SMAD6: variants seen among roughly 807,000 people sequenced by gnomAD.
The protein encoded by SMAD6 is MAD homolog 6.
SMAD6 carries 103 observed loss-of-function variants against 39.4 expected under a neutral mutation model. The observed-to-expected ratio is 2.62, with a 90% CI of 2.23 to 3.08. The LOEUF (loss-of-function observed/expected upper bound fraction) is 3.08. Ranked by LOEUF, SMAD6 falls within the 30% of genes most tolerant of loss-of-function variation. The pLI is 0.00. For missense variants in SMAD6, 1,104 were observed against 742.9 expected (o/e 1.49, Z -5.65); for synonymous variants, 445 against 353.3 (o/e 1.26, Z -2.91).
chr15:66,753,916 C>T lies in SMAD6; in HGVS notation c.953-27081C>T, dbSNP rs551478925. ...CCTGGCATTGCCTGCCCTCGGAGGC[C>T]CCAAGGGGCAGTGTGCAGGGTGCCT... On this transcript the variant is annotated intron_variant, in intron 3 of 3. Coordinates refer to ENST00000288840, the MANE Select transcript of SMAD6 (RefSeq NM_005585.5). Among the ~76,000 whole-genome samples, 13 of 152,262 alleles carry T rather than the reference C, an allele frequency of 8.5e-5. No individual in the cohort carries two copies. The South Asian group carries it at 2.7e-3, about 32-fold the overall frequency.
At chr15:66,775,096 A>G (rs916090272) in intron 3 of SMAD6, among the ~76,000 whole-genome samples, 1 of 152,070 alleles carries the variant, frequency 6.6e-6, no homozygotes, top group Non-Finnish European at 1.5e-5. Flanking sequence ...TCCTGACCTC[A>G]GGTGATCCAC....
rs899232255 is a variant in SMAD6 at position 66,704,227 on chromosome 15, C to T, written c.817+152C>T. 6.1e-6 allele frequency: 3 copies of T among 493,334 alleles called. No individual in the cohort carries two copies. The South Asian group carries it at 1.5e-4, about 25-fold the overall frequency. The allele number at this position is 493,334 out of a possible 1,614,324, so 30.6% of individuals were successfully genotyped here. A position where few individuals can be genotyped will look rare whatever the true frequency, so the allele number is the denominator to read the frequency against. On this transcript the variant is annotated intron_variant, in intron 1 of 3. Coordinates refer to ENST00000288840, the MANE Select transcript of SMAD6 (RefSeq NM_005585.5). Reference sequence around the variant, plus strand: ...GAGCCACCAGGGGAGGCGCCTCAGACCGGCCGAGGGGAGTGGGTGTCCCAG... The same window carrying T: ...GAGCCACCAGGGGAGGCGCCTCAGATCGGCCGAGGGGAGTGGGTGTCCCAG...
rs1167140159 is a variant in SMAD6, at chr15:66,747,273, C to T, written c.952+30775C>T. 6.6e-6 allele frequency among the ~76,000 whole-genome samples: 1 copy of T among 152,232 alleles called. No individual in the cohort carries two copies. The highest frequency in any genetic ancestry group is 1.5e-5 in the Non-Finnish European group (1 of 68,030). ...AGCGGGATATGGATGGGCCATGGGC[C>T]TCTGGCTGCCAAGGCCTGGCCTTCC... On this transcript the variant is annotated intron_variant, in intron 3 of 3. Transcript: ENST00000288840. This position sits in a 1 kb window ranked among gnomAD's most constrained non-coding sequence, Gnocchi z 4.5.
chr15:66,722,591 G>A (rs1196045744), intron 3 of SMAD6, among the ~76,000 whole-genome samples: 1 of 152,240 alleles, frequency 6.6e-6, no homozygotes. Context: ...GAAATGGGTG[G>A]GGGAGAAGGA....
intron 2 of SMAD6, among the ~76,000 whole-genome samples, chr15:66,714,893 A>C (rs1264489842): frequency 6.6e-6 from 1 of 152,162 alleles, no homozygotes; most frequent in Non-Finnish European, 1.5e-5. Context: ...AAGGCAGTTC[A>C]CTAAGAAATA....
intron 3 of SMAD6, among the ~76,000 whole-genome samples, chr15:66,722,915 G>A (rs1443767601): frequency 6.6e-6 from 1 of 152,128 alleles, no homozygotes; most frequent in Admixed American, 6.5e-5. Flanking sequence ...GCTCAGCTGT[G>A]CCCTTTTCCT....
At chr15:66,780,931 C>T in intron 3 of SMAD6, 66 bp from the exon 4 acceptor site, 3 of 1,459,590 alleles carry the variant, frequency 2.1e-6, no homozygotes, top group Middle Eastern at 2.3e-4. Context: ...GTGCCCACCT[C>T]CGCTCCTCGG....
intron 1 of SMAD6, among the ~76,000 whole-genome samples, chr15:66,710,201 T>C (rs1893200790): frequency 1.3e-5 from 2 of 152,208 alleles, no homozygotes; most frequent in South Asian, 4.1e-4. Context: ...AATTTTTGTA[T>C]TTTGAGAAAG....
chr15:66,739,824 A>G (rs746071320), intron 3 of SMAD6, among the ~76,000 whole-genome samples: 3 of 152,166 alleles, frequency 2.0e-5, no homozygotes, highest in Non-Finnish European at 4.4e-5. Context: ...AGTTTTTTTA[A>G]GAGATGGGCC....
intron 3 of SMAD6, among the ~76,000 whole-genome samples, chr15:66,765,373 G>C (rs973165153): frequency 6.6e-6 from 1 of 152,086 alleles, no homozygotes; most frequent in East Asian, 1.9e-4. Context: ...ACAGGTGCCC[G>C]CCACCATGCC....
At chr15:66,732,300 A>T (rs1376127355) in intron 3 of SMAD6, among the ~76,000 whole-genome samples, 1 of 152,088 alleles carries the variant, frequency 6.6e-6, no homozygotes, top group Non-Finnish European at 1.5e-5. Context: ...TCATGTGCTA[A>T]CTTGCCATCT....
chr15:66,751,417 A>G (rs528565091), intron 3 of SMAD6, among the ~76,000 whole-genome samples: 107 of 152,062 alleles, frequency 7.0e-4, no homozygotes, highest in Non-Finnish European at 8.8e-4. Context: ...ATTCATTCCC[A>G]CTCCCTTCCC....
chr15:66,751,301 G>C (rs559830126), intron 3 of SMAD6, among the ~76,000 whole-genome samples: 1 of 152,136 alleles, frequency 6.6e-6, no homozygotes, highest in Non-Finnish European at 1.5e-5. Context: ...TTGGTAGCCC[G>C]TGGCTCTGGT....
chr15:66,768,740 T>C (rs1894331652), intron 3 of SMAD6, among the ~76,000 whole-genome samples: 1 of 152,218 alleles, frequency 6.6e-6, no homozygotes, highest in African/African-American at 2.4e-5. Context: ...ACAGTGCCTT[T>C]TTCAAACCTG....
Position 66,703,415 on chromosome 15 carries a change from G to A in SMAD6, c.157G>A (p.Gly53Arg), listed in dbSNP as rs1325349483. 4.5e-6 allele frequency: 6 copies of A among 1,344,004 alleles called. No homozygotes were observed. Among genetic ancestry groups the A allele is most frequent in the Non-Finnish European group, 5.7e-6 (6 of 1,046,336 alleles). The allele number at this position is 1,344,004 out of a possible 1,614,324, so 83.3% of individuals were successfully genotyped here. ...GCCGGCCCCGCGGGCAAGAGAGGGCGGAGGCTGCGGCCGCTCCGAAGTCCG... is the reference window on the plus strand; with the variant it reads ...GCCGGCCCCGCGGGCAAGAGAGGGCAGAGGCTGCGGCCGCTCCGAAGTCCG... ...AEPAPRAREG[G>R]GCGRSEVRPV... Residue 53 changes from glycine to arginine, a missense_variant, in exon 1 of 4, where the codon GGA becomes AGA. Physicochemically the swap from Gly to Arg is moderately radical, Grantham distance 125. Coordinates refer to ENST00000288840, the MANE Select transcript of SMAD6 (RefSeq NM_005585.5).
At chr15:66,761,701 C>T (rs1894202606) in intron 3 of SMAD6, among the ~76,000 whole-genome samples, 1 of 152,152 alleles carries the variant, frequency 6.6e-6, no homozygotes. Flanking sequence ...GGCCTTAGTT[C>T]CCTCTTCTGT....
At chr15:66,776,318 C>T (rs1012645568) in intron 3 of SMAD6, among the ~76,000 whole-genome samples, 4 of 152,196 alleles carry the variant, frequency 2.6e-5, no homozygotes, top group East Asian at 1.9e-4. Flanking sequence ...CACTGGAGCC[C>T]GTAAACAAGG....
At chr15:66,722,620 A>G (rs151336880) in intron 3 of SMAD6, among the ~76,000 whole-genome samples, 710 of 152,394 alleles carry the variant, frequency 4.7e-3, no homozygotes, top group Admixed American at 7.3e-3. Context: ...CTCCAGTTCC[A>G]AACGGATGGT....
chr15:66,765,467 C>T lies in SMAD6; in HGVS notation c.953-15530C>T, dbSNP rs1053899848. The stretch of plus-strand genomic sequence containing the variant: ...CTCTATCTCCTGACCTCGTGATCTG[C>T]CTGCCTTGGCCTCCCAAAATGTTGG... On this transcript the variant is annotated intron_variant, in intron 3 of 3. Transcript: ENST00000288840. 3.9e-5 allele frequency among the ~76,000 whole-genome samples: 6 copies of T among 152,214 alleles called. No homozygotes were observed. In the South Asian group the frequency reaches 1.2e-3, roughly 32 times the overall value.
Sources: allele counts gnomAD v4.1 joint callset (sites outside exome capture counted in the v4.1 genomes callset), GRCh38; gene constraint gnomAD v4.1.1; non-coding constraint Gnocchi (gnomAD v3.1); transcripts MANE v1.5; gene names NCBI Gene and HGNC (gene_info 2026-07-23, HGNC 2026-07-21).